SHROOM2: variants seen among roughly 807,000 people sequenced by gnomAD.
SHROOM2 encodes shroom family member 2, also known as protein Shroom2.
A neutral mutation model predicts 75.9 loss-of-function variants in SHROOM2; 33 were observed. The observed-to-expected ratio is 0.43, with a 90% CI of 0.33 to 0.58. The LOEUF is 0.58. Among genes scored for constraint, SHROOM2 ranks in the 20% least tolerant of loss-of-function variants. The probability of loss-of-function intolerance (pLI) is 0.04; values close to 1 mark genes in which losing one functional copy is unlikely to be tolerated. For synonymous variants in SHROOM2, 655 were observed against 663.6 expected (o/e 0.99, Z 0.20); for missense variants, 1,434 against 1,461.2 (o/e 0.98, Z 0.30).
intron 5 of SHROOM2, among the ~76,000 whole-genome samples, chrX:9,904,097 A>G (rs2084378884): frequency 9.0e-6 from 1 of 111,034 alleles, no homozygotes; most frequent in African/African-American, 3.3e-5. Flanking sequence ...AGTGTGCAAA[A>G]GGAGGGTGAA....
chrX:9,814,254 T>G (rs963752116), intron 1 of SHROOM2, among the ~76,000 whole-genome samples: 54 of 110,955 alleles, frequency 4.9e-4, no homozygotes, highest in African/African-American at 1.7e-3. Context: ...GCAAATAAAC[T>G]CTTAGAACCT....
chrX:9,934,926 C>T (rs1482941357), intron 6 of SHROOM2, among the ~76,000 whole-genome samples: 1 of 110,896 alleles, frequency 9.0e-6, no homozygotes, highest in Admixed American at 9.7e-5. Context: ...GCACCTGCCA[C>T]CACACCAGGC....
chrX:9,848,526 A>AAAAAAAAAG (rs1365882698), intron 1 of SHROOM2, among the ~76,000 whole-genome samples: 2 of 101,581 alleles, frequency 2.0e-5, no homozygotes, highest in Admixed American at 1.1e-4. Flanking sequence ...AAAAAAAAAA[A>AAAAAAAAAG]AAAAAGAAAA....
At chrX:9,819,718 C>T (rs960142735) in intron 1 of SHROOM2, among the ~76,000 whole-genome samples, 1 of 110,972 alleles carries the variant, frequency 9.0e-6, no homozygotes, top group Non-Finnish European at 1.9e-5. Context: ...GCTTGAAAAG[C>T]GCTGTCCTTC....
intron 1 of SHROOM2, among the ~76,000 whole-genome samples, chrX:9,821,368 G>C (rs902543492): frequency 8.9e-6 from 1 of 111,771 alleles, no homozygotes; most frequent in South Asian, 3.7e-4. Context: ...AGTAGAGGAC[G>C]TGGGGGAGGC....
At chrX:9,837,348 T>C (rs2083952239) in intron 1 of SHROOM2, among the ~76,000 whole-genome samples, 1 of 112,998 alleles carries the variant, frequency 8.8e-6, no homozygotes, top group East Asian at 2.8e-4. Context: ...GTGTTTCATG[T>C]TGCCTCTCTC....
rs1357763421 is a variant in SHROOM2, at chrX:9,828,285, TG to T, written c.165+41579del. 2.7e-5 allele frequency among the ~76,000 whole-genome samples: 3 copies of T among 111,905 alleles called. No homozygotes were observed. In the Admixed American group the frequency reaches 2.8e-4, roughly 11 times the overall value. On this transcript the variant is annotated intron_variant, in intron 1 of 9. Transcript: ENST00000380913. Reference sequence around the variant, plus strand: ...TCTACCTGGTCCGTCCCTTGACACATGGGGATTATGAGAATTACGATTCAAG... The same window carrying T: ...TCTACCTGGTCCGTCCCTTGACACATGGGATTATGAGAATTACGATTCAAG...
chrX:9,897,896 C>T (rs2084343059), intron 4 of SHROOM2, among the ~76,000 whole-genome samples: 2 of 111,897 alleles, frequency 1.8e-5, no homozygotes, highest in Non-Finnish European at 3.8e-5. Context: ...AGCAAAGAAT[C>T]CCAGGCTCTG....
intron 1 of SHROOM2, among the ~76,000 whole-genome samples, chrX:9,829,212 C>T (rs1183857719): frequency 2.7e-5 from 3 of 111,043 alleles, no homozygotes; most frequent in African/African-American, 9.8e-5. Flanking sequence ...TTAGTAGAGG[C>T]GGGGTTTCAC....
At chrX:9,871,665 T>C (rs1018542387) in intron 1 of SHROOM2, among the ~76,000 whole-genome samples, 1 of 112,184 alleles carries the variant, frequency 8.9e-6, no homozygotes, top group African/African-American at 3.2e-5. Flanking sequence ...TGACTAGCAG[T>C]GAATAATTGC....
At chrX:9,808,380 C>A (rs868216704) in intron 1 of SHROOM2, among the ~76,000 whole-genome samples, 210 of 72,086 alleles carry the variant, frequency 2.9e-3, no homozygotes, top group Admixed American at 3.2e-3. Context: ...TCTGTCTCTA[C>A]AAAAAAAAAA....
chrX:9,898,418 G>T, intron 5 of SHROOM2, 128 bp downstream of exon 5: 1 of 516,896 alleles, frequency 1.9e-6, no homozygotes, highest in South Asian at 3.2e-5. Flanking sequence ...CTGAAATCCG[G>T]CGTGATTTCT....
chrX:9,869,897 A>G (rs1400253139), intron 1 of SHROOM2, among the ~76,000 whole-genome samples: 1 of 111,433 alleles, frequency 9.0e-6, no homozygotes, highest in African/African-American at 3.3e-5. Flanking sequence ...AGGTGTATCG[A>G]TGTCCTTAGA....
At chrX:9,866,549 G>A (rs1190789030) in intron 1 of SHROOM2, among the ~76,000 whole-genome samples, 1 of 111,114 alleles carries the variant, frequency 9.0e-6, no homozygotes, top group Non-Finnish European at 1.9e-5. Context: ...CTCTGGAGTT[G>A]GTGCATTACT....
intron 2 of SHROOM2, among the ~76,000 whole-genome samples, chrX:9,879,330 G>A (rs12387958): frequency 0.056 from 6,198 of 110,797 alleles, 414 homozygotes; most frequent in African/African-American, 0.19. Context: ...GCAAGATCTC[G>A]GCTCACTGCA....
intron 1 of SHROOM2, among the ~76,000 whole-genome samples, chrX:9,842,380 G>A (rs897291774): frequency 4.4e-5 from 5 of 112,407 alleles, no homozygotes; most frequent in African/African-American, 1.6e-4. Context: ...TTAAATCCCT[G>A]AAGATCCACA....
chrX:9,844,176 A>T (rs986353719), intron 1 of SHROOM2, among the ~76,000 whole-genome samples: 2 of 111,710 alleles, frequency 1.8e-5, no homozygotes, highest in Non-Finnish European at 3.8e-5. Context: ...TGTCCTGTGG[A>T]TATGTTATTT....
intron 8 of SHROOM2, among the ~76,000 whole-genome samples, chrX:9,942,429 C>G (rs1295509292): frequency 9.0e-6 from 1 of 111,307 alleles, no homozygotes; most frequent in African/African-American, 3.3e-5. Context: ...GCTCAGTCCC[C>G]AAGACTGCAC....
At chrX:9,807,204 C>T (rs1033142556) in intron 1 of SHROOM2, among the ~76,000 whole-genome samples, 11 of 111,997 alleles carry the variant, frequency 9.8e-5, no homozygotes, top group Admixed American at 8.5e-4. Context: ...CACAGCCAGC[C>T]CCGTCGCCAT....
Sources: gnomAD v4.1 joint callset for allele counts (sites outside exome capture counted in the v4.1 genomes callset) on GRCh38, gnomAD v4.1.1 for gene constraint, MANE v1.5 for transcripts, NCBI Gene and HGNC (gene_info 2026-07-23, HGNC 2026-07-21) for gene names.